Variants in GLB1L3 observed in about 807,000 individuals in gnomAD.
GLB1L3 encodes beta-galactosidase-1-like protein 3.
In GLB1L3, 89 loss-of-function variants were observed where a neutral mutation model predicts 89.5. That is an observed-to-expected ratio of 0.99 (90% CI 0.84 to 1.19). GLB1L3 has a LOEUF of 1.19. Among genes scored for constraint, GLB1L3 ranks in the 50% most tolerant of loss-of-function variants. The pLI is 0.00. For missense variants in GLB1L3, 812 were observed against 813.3 expected (o/e 1.00, Z 0.02); for synonymous variants, 314 against 312.3 (o/e 1.01, Z -0.06).
At chr11:134,310,996 A>T in intron 12 of GLB1L3, 68 bp from the exon 13 acceptor site, 1 of 1,097,304 alleles carries the variant, frequency 9.1e-7, no homozygotes, top group Non-Finnish European at 1.4e-6. Flanking sequence ...CTGGATAGGC[A>T]TGGGGGGCTT....
In GLB1L3 at chr11:134,283,814, AC is replaced by A; in HGVS notation, c.607del (p.His203ThrfsTer2). On this transcript the variant is annotated frameshift_variant, in exon 6 of 20. Coordinates refer to ENST00000431683, the MANE Select transcript of GLB1L3 (RefSeq NM_001080407.3). LOFTEE classifies it high-confidence loss of function. ...SFIEAVEKYF[D>X]HLIPRVIPLQ... Reference sequence around the variant, plus strand: ...ATTGAAGCAGTTGAGAAGTATTTTGACCACCTGATTCCCAGAGTGATTCCTC... The same window carrying A: ...ATTGAAGCAGTTGAGAAGTATTTTGACACCTGATTCCCAGAGTGATTCCTC... 1 of 1,611,602 alleles carries A rather than the reference AC, an allele frequency of 6.2e-7. No individual in the cohort carries two copies. Among genetic ancestry groups the A allele is most frequent in the South Asian group, 1.1e-5 (1 of 90,630 alleles).
rs776516018 is a variant in GLB1L3, at chr11:134,311,182, C to T, written c.1287+12C>T. ...CCTACTTAAATGAGGTGCGTGCTGC[C>T]TGGCCACAGGAGGCGGAGTGGCCAT... On this transcript the variant is annotated intron_variant, in intron 13 of 19. Transcript: ENST00000431683. The T allele has an allele frequency of 1.2e-5, 19 of 1,602,216 alleles. No individual in the cohort carries two copies. Among genetic ancestry groups the T allele is most frequent in the South Asian group, 3.3e-5 (3 of 90,774 alleles).
At position 134,277,424 on chromosome 11, in the gene GLB1L3, T is replaced by C. The variant is rs773986215; in HGVS notation, c.122T>C (p.Leu41Pro). 1.9e-6 allele frequency: 3 copies of C among 1,613,702 alleles called. No homozygotes were observed. In the African/African-American group the frequency reaches 4.0e-5, roughly 22 times the overall value. The change falls in exon 2 of 20, where the codon CTT becomes CCT. Residue 41 changes from leucine (L) to proline (P), a missense_variant. Leu to Pro is a moderately conservative substitution (Grantham distance 98). Around this residue, in one of 3 missense-constraint regions of GLB1L3, gnomAD observed 191 missense variants for 191.4 expected, o/e 1.00. Transcript: ENST00000431683. The part of the protein sequence containing the change: ...PRFKQEENFM[L>P]GRAHPSQPRF... Reference sequence around the variant, plus strand: ...TTTAAGCAGGAAGAGAACTTCATGCTTGGAAGAGCGCATCCGTCCCAGCCT... The same window carrying C: ...TTTAAGCAGGAAGAGAACTTCATGCCTGGAAGAGCGCATCCGTCCCAGCCT...
chr11:134,309,802 G>A (rs1942632860), intron 11 of GLB1L3, 39 bp downstream of exon 11: 12 of 1,604,700 alleles, frequency 7.5e-6, no homozygotes, highest in African/African-American at 1.3e-5. Flanking sequence ...CAGCATGGGC[G>A]GTGCTGGGGC....
Position 134,282,056 on chromosome 11 carries a change from C to A in GLB1L3, c.463C>A (p.Leu155Met), listed in dbSNP as rs546610661. 6.4e-7 allele frequency: 1 copy of A among 1,568,862 alleles called. No homozygotes were observed. Among genetic ancestry groups the A allele is most frequent in the Admixed American group, 1.8e-5 (1 of 55,984 alleles). Residue 155 changes from leucine to methionine, a missense_variant, in exon 5 of 20, where the codon CTG becomes ATG. By Grantham distance (15) the Leu-to-Met change is conservative (BLOSUM62 2). This residue lies in a region of GLB1L3 where 3 missense variants were observed against 17.8 expected (regional missense o/e 0.17). Coordinates refer to ENST00000431683, the MANE Select transcript of GLB1L3 (RefSeq NM_001080407.3). ...AFVLMAAEIGLWVILRPGRYI... is the reference protein window; with the variant it reads ...AFVLMAAEIGMWVILRPGRYI... ...CGTCCTGATGGCCGCAGAGATCGGGCTGTGGGTGATTCTGCGTCCAGGCCG... is the reference window on the plus strand; with the variant it reads ...CGTCCTGATGGCCGCAGAGATCGGGATGTGGGTGATTCTGCGTCCAGGCCG...
At chr11:134,297,859 CAAAAAAA>C (rs34354899) in intron 9 of GLB1L3, among the ~76,000 whole-genome samples, 1 of 100,990 alleles carries the variant, frequency 9.9e-6, no homozygotes, top group Non-Finnish European at 2.0e-5. Flanking sequence ...GACTCTGTCT[CAAAAAAA>C]AAAAAAAAAA....
rs1030344665 is a variant in GLB1L3, at chr11:134,281,359, C to A, written c.363-18C>A. 1.2e-6 allele frequency: 2 copies of A among 1,614,030 alleles called. No individual in the cohort carries two copies. Among genetic ancestry groups the A allele is most frequent in the Non-Finnish European group, 8.5e-7 (1 of 1,179,882 alleles). On this transcript the variant is annotated intron_variant, in intron 3 of 19. Transcript: ENST00000431683. ...AAATAAGAAGATACTCATCATACTT[C>A]CCTCTCACCTCTTCTAGCTATGTTC...
rs115348882 is a variant in GLB1L3 at position 134,316,544 on chromosome 11, A to T, written c.1780-2087A>T. On this transcript the variant is annotated intron_variant, in intron 18 of 19. Coordinates refer to ENST00000431683, the MANE Select transcript of GLB1L3 (RefSeq NM_001080407.3). ...ATCTAAAAAATAATAAAGGTTTCAT[A>T]ACAAACAGCTGATACTAAAGGTGAG... Among the ~76,000 whole-genome samples, 1,028 of 152,122 alleles carry T rather than the reference A, an allele frequency of 6.8e-3. 14 individuals carry two copies. The highest frequency in any genetic ancestry group is 0.024 in the African/African-American group (988 of 41,392).
intron 18 of GLB1L3, 45 bp from the exon 19 acceptor site, chr11:134,318,586 C>G (rs1313445558): frequency 8.2e-7 from 1 of 1,220,836 alleles, no homozygotes; most frequent in African/African-American, 1.5e-5. Flanking sequence ...TTTTACCTTG[C>G]TAATGTGAAC....
At chr11:134,291,382 C>T (rs1213293641) in intron 7 of GLB1L3, among the ~76,000 whole-genome samples, 1 of 151,788 alleles carries the variant, frequency 6.6e-6, no homozygotes, top group Admixed American at 6.6e-5. Context: ...GACTCAGCCT[C>T]CCGAGTAGCT....
At chr11:134,308,440 C>G (rs1311445145) in intron 10 of GLB1L3, among the ~76,000 whole-genome samples, 1 of 56,568 alleles carries the variant, frequency 1.8e-5, no homozygotes, top group Non-Finnish European at 3.1e-5. Flanking sequence ...ACCACCACCA[C>G]CACCATCACC....
In GLB1L3 at chr11:134,276,877, G is replaced by C. The variant is rs1394696477; in HGVS notation, c.23+114G>C. ...ACGCGCCCCAGGCACGCGCCGCGCC[G>C]GGCCGCGCCACCAAGCCCGCTGTCC... On this transcript the variant is annotated intron_variant, in intron 1 of 19. Coordinates refer to ENST00000431683, the MANE Select transcript of GLB1L3 (RefSeq NM_001080407.3). The C allele has an allele frequency of 5.2e-6, 5 of 967,656 alleles. No homozygotes were observed. The African/African-American group carries it at 8.6e-5, about 17-fold the overall frequency. The allele number at this position is 967,656 out of a possible 1,614,324, so 59.9% of individuals were successfully genotyped here.
Position 134,277,443 on chromosome 11 carries a change from C to T in GLB1L3, c.141C>T (p.Ser47=), listed in dbSNP as rs755964881. The T allele has an allele frequency of 6.2e-7, 1 of 1,612,754 alleles. No homozygotes were observed. The highest frequency in any genetic ancestry group is 1.7e-5 in the Admixed American group (1 of 59,978). ...ENFMLGRAHP[S]QPRFNWSHLT... ...TCATGCTTGGAAGAGCGCATCCGTCCCAGCCTAGGTTTGCTTGAGAGCTAC... is the reference window on the plus strand; with the variant it reads ...TCATGCTTGGAAGAGCGCATCCGTCTCAGCCTAGGTTTGCTTGAGAGCTAC... The change falls in exon 2 of 20, where the codon TCC becomes TCT. Residue 47 remains serine (S), a synonymous_variant. Coordinates refer to ENST00000431683, the MANE Select transcript of GLB1L3 (RefSeq NM_001080407.3).
downstream of GLB1L3, among the ~76,000 whole-genome samples, chr11:134,322,819 A>G (rs907303032): frequency 6.6e-5 from 10 of 152,104 alleles, no homozygotes; most frequent in African/African-American, 2.4e-4. Flanking sequence ...TCATCAGTGG[A>G]TGATTATTTG....
rs751281041 is a variant in GLB1L3 at position 134,293,126 on chromosome 11, C to G, written c.812-19C>G. 3.1e-6 allele frequency: 5 copies of G among 1,610,948 alleles called. No homozygotes were observed. The South Asian group carries it at 3.3e-5, about 11-fold the overall frequency. ...CACTTGTCTCATGCCTCAGCTGGGT[C>G]TCTCTCTTCTTTATGCAGTGTTGGC... On this transcript the variant is annotated intron_variant, in intron 8 of 19. Transcript: ENST00000431683.
At position 134,290,554 on chromosome 11, in the gene GLB1L3, CAG is replaced by C. The variant is rs113076075; in HGVS notation, c.730-1575_730-1574del. 2.3e-3 allele frequency among the ~76,000 whole-genome samples: 300 copies of C among 132,750 alleles called. 3 individuals carry two copies. Among genetic ancestry groups the C allele is most frequent in the African/African-American group, 8.1e-3 (282 of 34,848 alleles). The allele number at this position is 132,750 out of a possible 152,430, so 87.1% of individuals were successfully genotyped here. A position where few individuals can be genotyped will look rare whatever the true frequency, so the allele number is the denominator to read the frequency against. On this transcript the variant is annotated intron_variant, in intron 7 of 19. Coordinates refer to ENST00000431683, the MANE Select transcript of GLB1L3 (RefSeq NM_001080407.3). ...TGCCACTGGACTCCAGCCTGGGTGACAGAGTGAGACTCGTCCCCCCCCGCCAA... is the reference window on the plus strand; with the variant it reads ...TGCCACTGGACTCCAGCCTGGGTGACAGTGAGACTCGTCCCCCCCCGCCAA...
chr11:134,277,445 A>G lies in GLB1L3; in HGVS notation c.143A>G (p.Gln48Arg). The G allele has an allele frequency of 9.9e-6, 16 of 1,612,306 alleles. No homozygotes were observed. Among genetic ancestry groups the G allele is most frequent in the Non-Finnish European group, 1.3e-5 (15 of 1,178,832 alleles). Residue 48 changes from glutamine to arginine, a missense_variant, in exon 2 of 20, where the codon CAG (glutamine) becomes CGG (arginine). Physicochemically the swap from Gln to Arg is conservative, Grantham distance 43 (BLOSUM62 1). Coordinates refer to ENST00000431683, the MANE Select transcript of GLB1L3 (RefSeq NM_001080407.3). ...ATGCTTGGAAGAGCGCATCCGTCCC[A>G]GCCTAGGTTTGCTTGAGAGCTACAT... ...NFMLGRAHPSQPRFNWSHLTP... is the reference protein window; with the variant it reads ...NFMLGRAHPSRPRFNWSHLTP...
intron 1 of GLB1L3, 171 bp from the exon 2 acceptor site, chr11:134,277,155 C>A (rs1230754750): frequency 2.6e-6 from 2 of 779,742 alleles, no homozygotes; most frequent in South Asian, 3.0e-5. Context: ...AGAGGACTGG[C>A]CGGGTGATGC....
At chr11:134,308,458 C>CCATCACCATCATCACCAT (rs1942467171) in intron 10 of GLB1L3, among the ~76,000 whole-genome samples, 1 of 31,460 alleles carries the variant, frequency 3.2e-5, no homozygotes, top group Non-Finnish European at 6.0e-5. Context: ...ACCACCACCA[C>CCATCACCATCATCACCAT]CACCACCACC....
Sources: allele counts gnomAD v4.1 joint callset (sites outside exome capture counted in the v4.1 genomes callset), GRCh38; gene constraint gnomAD v4.1.1; regional missense constraint gnomAD v4.1.1; transcripts MANE v1.5; gene names NCBI Gene and HGNC (gene_info 2026-07-23, HGNC 2026-07-21).